Variants in SARDH observed in about 807,000 individuals in gnomAD.
The protein encoded by SARDH is sarcosine dehydrogenase, mitochondrial.
In SARDH, 95 loss-of-function variants were observed where a neutral mutation model predicts 109.1. The ratio of observed to expected loss-of-function variants is 0.87; its 90% CI spans 0.74 to 1.03. SARDH has a LOEUF of 1.03. Among genes scored for constraint, SARDH ranks in the 50% least tolerant of loss-of-function variants. The pLI, the probability that SARDH is intolerant of heterozygous loss-of-function variation, is 0.00. For synonymous variants in SARDH, 572 were observed against 534.8 expected, an observed-to-expected ratio of 1.07 and a Z score of -0.96; for missense variants, 1,267 against 1,287.8, an observed-to-expected ratio of 0.98 and a Z score of 0.25.
chr9:133,730,258 CA>C, intron 4 of SARDH, 71 bp from the exon 5 acceptor site: 7 of 1,580,478 alleles, frequency 4.4e-6, no homozygotes. Context: ...CCACTCCAAC[CA>C]ACCCCTCCTC....
chr9:133,715,168 A>G (rs1832073061), intron 8 of SARDH, among the ~76,000 whole-genome samples: 1 of 152,174 alleles, frequency 6.6e-6, no homozygotes, highest in African/African-American at 2.4e-5. Flanking sequence ...CTGGAGGCCA[A>G]AGGCCATTGG....
intron 17 of SARDH, among the ~76,000 whole-genome samples, chr9:133,676,724 A>C (rs1354234199): frequency 6.6e-6 from 1 of 151,768 alleles, no homozygotes; most frequent in Non-Finnish European, 1.5e-5. Context: ...GAAAGGCGGT[A>C]CTTAAACAGA....
At chr9:133,737,313 G>A (rs1480392108) in intron 1 of SARDH, among the ~76,000 whole-genome samples, 1 of 152,242 alleles carries the variant, frequency 6.6e-6, no homozygotes, top group Non-Finnish European at 1.5e-5. Context: ...GCGTAGGGGA[G>A]TGAGGAGGTG....
intron 13 of SARDH, among the ~76,000 whole-genome samples, chr9:133,697,395 T>C (rs1441803684): frequency 6.6e-6 from 1 of 152,164 alleles, no homozygotes; most frequent in Admixed American, 6.5e-5. Flanking sequence ...CCAAAAAATA[T>C]GAATAGGAAA....
Position 133,717,586 on chromosome 9 carries a change from C to T in SARDH, c.1021-131G>A, listed in dbSNP as rs562335536. The T allele has an allele frequency of 3.1e-5, 40 of 1,311,198 alleles. No individual in the cohort carries two copies. In the African/African-American group the frequency reaches 5.0e-4, roughly 16 times the overall value. The allele number at this position is 1,311,198 out of a possible 1,614,324, so 81.2% of individuals were successfully genotyped here. ...AGATGCATTAGAGGGCTGGTGGTCA[C>T]CCACACGTCCCAGCCGTTTGTCTCC... is the stretch of plus-strand genomic sequence containing the variant. On this transcript the variant is annotated intron_variant, in intron 7 of 20. Transcript: ENST00000439388.
intron 6 of SARDH, among the ~76,000 whole-genome samples, chr9:133,727,064 G>C (rs1175241824): frequency 6.6e-6 from 1 of 152,168 alleles, no homozygotes; most frequent in Non-Finnish European, 1.5e-5. Flanking sequence ...CTCTGCCCAC[G>C]GATGGAGCAG....
rs1830845861 is a variant in SARDH, at chr9:133,685,282, C to T, written c.2074G>A (p.Ala692Thr). ...MISIQGPASR[A>T]ILQEVLDADL... ...GCGTCCAGCACCTCCTGCAAAATGG[C>T]TCGGCTGCAGGCAAGAGCAAAGTCG... The change falls in exon 17 of 21, where the codon GCC (alanine) becomes ACC (threonine). Residue 692 changes from alanine (A) to threonine (T), a missense_variant. Transcript: ENST00000439388. 6.2e-7 allele frequency: 1 copy of T among 1,613,338 alleles called. No individual in the cohort carries two copies. Among genetic ancestry groups the T allele is most frequent in the South Asian group, 1.1e-5 (1 of 90,962 alleles).
intron 4 of SARDH, 88 bp downstream of exon 4, chr9:133,731,217 C>G (rs986644997): frequency 6.6e-7 from 1 of 1,515,134 alleles, no homozygotes; most frequent in African/African-American, 1.4e-5. Flanking sequence ...GAGAATGGCT[C>G]TTGTTCTCTT....
In SARDH at chr9:133,718,501, A is replaced by G; in HGVS notation, c.1020+437T>C. The G allele has an allele frequency of 5.4e-6, 3 of 556,354 alleles. No homozygotes were observed. The highest frequency in any genetic ancestry group is 9.6e-6 in the Non-Finnish European group (3 of 312,554). 34.5% of individuals were successfully genotyped at this position (556,354 alleles called of 1,614,324 possible). Reference sequence around the variant, plus strand: ...CCCAAAGTAGCCACTCAGTCGTTCCATGTGTGGACTAAATGCATATACACA... The same window carrying G: ...CCCAAAGTAGCCACTCAGTCGTTCCGTGTGTGGACTAAATGCATATACACA... On this transcript the variant is annotated intron_variant, in intron 7 of 20. Coordinates refer to ENST00000439388, the MANE Select transcript of SARDH (RefSeq NM_001134707.2). This position sits in a 1 kb window ranked among gnomAD's most constrained non-coding sequence, Gnocchi z 4.2.
chr9:133,737,298 C>T (rs1334998896), intron 1 of SARDH, among the ~76,000 whole-genome samples: 1 of 152,236 alleles, frequency 6.6e-6, no homozygotes, highest in Non-Finnish European at 1.5e-5. Context: ...AGTCTGATTG[C>T]AGCGGCGTAG....
chr9:133,664,727 C>A (rs1258987002), intron 20 of SARDH, among the ~76,000 whole-genome samples: 1 of 152,136 alleles, frequency 6.6e-6, no homozygotes, highest in Non-Finnish European at 1.5e-5. Context: ...TTGTTCCTAG[C>A]AGCTCAGGAC....
At chr9:133,674,564 T>C (rs554593769) in intron 17 of SARDH, among the ~76,000 whole-genome samples, 2 of 152,244 alleles carry the variant, frequency 1.3e-5, no homozygotes, top group South Asian at 2.1e-4. Flanking sequence ...ATCAGCAAAG[T>C]TGGAGAAAGT....
At chr9:133,676,867 A>G (rs1316623545) in intron 17 of SARDH, among the ~76,000 whole-genome samples, 1 of 152,238 alleles carries the variant, frequency 6.6e-6, no homozygotes, top group Admixed American at 6.5e-5. Context: ...GTCCGGGCGC[A>G]GTGGCTCACG....
chr9:133,722,332 C>T (rs1185584411), intron 6 of SARDH, among the ~76,000 whole-genome samples: 2 of 151,416 alleles, frequency 1.3e-5, no homozygotes, highest in East Asian at 1.9e-4. Flanking sequence ...TCAACAAACA[C>T]TTAACAAACT....
Position 133,712,811 on chromosome 9 carries a change from G to C in SARDH, c.1238-102C>G. 2 of 1,171,296 alleles carry C rather than the reference G, an allele frequency of 1.7e-6. No homozygotes were observed. Among genetic ancestry groups the C allele is most frequent in the Non-Finnish European group, 2.5e-6 (2 of 815,440 alleles). The allele number at this position is 1,171,296 out of a possible 1,614,324, so 72.6% of individuals were successfully genotyped here. On this transcript the variant is annotated intron_variant, in intron 9 of 20. Coordinates refer to ENST00000439388, the MANE Select transcript of SARDH (RefSeq NM_001134707.2). This position sits in a 1 kb window ranked among gnomAD's most constrained non-coding sequence, Gnocchi z 4.1. The stretch of plus-strand genomic sequence containing the variant: ...TCCACGGACAGCACAGACACTCCAA[G>C]CTCTGCTCTCACACCTGGGGTGCTG...
intron 12 of SARDH, 173 bp from the exon 13 acceptor site, chr9:133,703,202 C>CA (rs1831558458): frequency 3.3e-6 from 2 of 612,282 alleles, no homozygotes; most frequent in Non-Finnish European, 5.8e-6. Flanking sequence ...CCATGAGGTC[C>CA]AGGCAAAACA....
intron 14 of SARDH, among the ~76,000 whole-genome samples, chr9:133,694,898 G>A (rs983472661): frequency 1.3e-5 from 2 of 152,188 alleles, no homozygotes; most frequent in African/African-American, 4.8e-5. Context: ...GTGTGGGCTG[G>A]TGGATGGGTG....
intron 13 of SARDH, among the ~76,000 whole-genome samples, chr9:133,697,074 A>G (rs752770378): frequency 5.8e-4 from 88 of 152,336 alleles, no homozygotes; most frequent in Admixed American, 8.5e-4. Context: ...GACAGAGAAA[A>G]TGAGAGGACT....
intron 18 of SARDH, 86 bp downstream of exon 18, chr9:133,671,449 C>T (rs1564233429): frequency 7.0e-7 from 1 of 1,436,550 alleles, no homozygotes. Context: ...GGAAGGTAAA[C>T]AGCTTCTCGG....
Sources: gnomAD v4.1 joint callset for allele counts (sites outside exome capture counted in the v4.1 genomes callset) on GRCh38, gnomAD v4.1.1 for gene constraint, Gnocchi (gnomAD v3.1) non-coding constraint, MANE v1.5 for transcripts, NCBI Gene and HGNC (gene_info 2026-07-23, HGNC 2026-07-21) for gene names.